The following RIC3 variants were observed in gnomAD, a reference collection of about 807,000 sequenced individuals.
RIC3 encodes the protein RIC3 acetylcholine receptor chaperone.
RIC3 carries 28 observed loss-of-function variants against 27.3 expected under a neutral mutation model. That is an observed-to-expected ratio of 1.02 (90% confidence interval 0.76 to 1.41). The LOEUF (loss-of-function observed/expected upper bound fraction) is 1.41. RIC3 is among the 40% of genes most tolerant of loss of function. RIC3 has a pLI of 0.00. For synonymous variants in RIC3, 184 were observed against 160.4 expected (o/e 1.15, Z -1.11); for missense variants, 501 against 444.7 (o/e 1.13, Z -1.14).
chr11:8,126,633 CAAAAAAA>C lies in RIC3; in HGVS notation c.670+19_670+25del. Reference sequence around the variant, plus strand: ...ATCTCTTTTCTGGGCTGACAGCTAACAAAAAAATGAGAAGACACTGTTTACCTTCCCA... The same window carrying C: ...ATCTCTTTTCTGGGCTGACAGCTAACTGAGAAGACACTGTTTACCTTCCCA... On this transcript the variant is annotated intron_variant, in intron 5 of 5. Transcript: ENST00000309737. The C allele has an allele frequency of 6.2e-7, 1 of 1,610,552 alleles. No individual in the cohort carries two copies. Among genetic ancestry groups the C allele is most frequent in the South Asian group, 1.1e-5 (1 of 90,496 alleles).
At chr11:8,142,475 A>G (rs1178426402) in intron 1 of RIC3, among the ~76,000 whole-genome samples, 1 of 150,706 alleles carries the variant, frequency 6.6e-6, no homozygotes, top group Non-Finnish European at 1.5e-5. Context: ...AGACTAAACC[A>G]GGAAGAAGTT....
intron 1 of RIC3, among the ~76,000 whole-genome samples, chr11:8,160,519 C>T (rs1951072530): frequency 6.6e-6 from 1 of 152,144 alleles, no homozygotes; most frequent in Admixed American, 6.5e-5. Context: ...AGGAAAACTA[C>T]AAATTCCTAC....
intron 2 of RIC3, chr11:8,139,376 C>G (rs3812761): frequency 0.068 from 10,425 of 153,730 alleles, 392 homozygotes; most frequent in South Asian, 0.1. Flanking sequence ...AACTGGGGGT[C>G]TGCTTTAAAG....
In RIC3 at chr11:8,138,341, T is replaced by C. The variant is rs766044903; in HGVS notation, c.358A>G (p.Lys120Glu). The change falls in exon 3 of 6, where the codon AAG becomes GAG. Residue 120 changes from lysine to glutamate, a missense_variant. Lys to Glu is a moderately conservative substitution (Grantham distance 56). Coordinates refer to ENST00000309737, the MANE Select transcript of RIC3 (RefSeq NM_001206671.4). ...YILYILFKLS[K>E]GKTTAEDGKC... ...CCATCCTCTGCAGTTGTTTTCCCCT[T>C]TGAGAGCTGAGAATTGAAGGAGGTA... 2 of 1,611,304 alleles carry C rather than the reference T, an allele frequency of 1.2e-6. No homozygotes were observed. Among genetic ancestry groups the C allele is most frequent in the African/African-American group, 1.3e-5 (1 of 74,770 alleles).
intron 1 of RIC3, among the ~76,000 whole-genome samples, chr11:8,152,894 G>C: frequency 6.6e-6 from 1 of 152,146 alleles, no homozygotes; most frequent in Admixed American, 6.5e-5. Flanking sequence ...CCTCTACACA[G>C]CTCTGACTGA....
chr11:8,145,118 C>A (rs1463261978), intron 1 of RIC3, among the ~76,000 whole-genome samples: 2 of 140,194 alleles, frequency 1.4e-5, no homozygotes, highest in East Asian at 2.1e-4. Flanking sequence ...CAGCATGGCA[C>A]ATGTATACAT....
chr11:8,141,664 T>C (rs924026367), intron 1 of RIC3, among the ~76,000 whole-genome samples: 1 of 152,010 alleles, frequency 6.6e-6, no homozygotes, highest in Non-Finnish European at 1.5e-5. Context: ...AACTCAGCTC[T>C]GCACCAAGTG....
chr11:8,155,638 A>G (rs994100888), intron 1 of RIC3, among the ~76,000 whole-genome samples: 1 of 152,236 alleles, frequency 6.6e-6, no homozygotes, highest in African/African-American at 2.4e-5. Context: ...TAATAACCAT[A>G]CCTATTGCTA....
Position 8,163,913 on chromosome 11 carries a change from A to C in RIC3, c.124+4953T>G, listed in dbSNP as rs182043708. 1.6e-3 allele frequency among the ~76,000 whole-genome samples: 244 copies of C among 152,266 alleles called. 1 individual carries two copies. The Middle Eastern group carries it at 0.027, about 17-fold the overall frequency. The stretch of plus-strand genomic sequence containing the variant: ...AATAGCAAAACAATCTTGAAAAAGA[A>C]GAACAAAGTTTGAGGACACATTTCA... On this transcript the variant is annotated intron_variant, in intron 1 of 5. Transcript: ENST00000309737.
At chr11:8,100,049 G>GAGC in the RIC3 span, among the ~76,000 whole-genome samples, 1 of 152,212 alleles carries the variant, frequency 6.6e-6, no homozygotes, top group African/African-American at 2.4e-5. Flanking sequence ...CTGCTGTGTT[G>GAGC]AGAACAGATG....
In RIC3 at chr11:8,109,790, A is replaced by G. The variant is rs1178827125; in HGVS notation, c.*908T>C. 6.6e-6 allele frequency: 1 copy of G among 152,148 alleles called. No individual in the cohort carries two copies. Among genetic ancestry groups the G allele is most frequent in the Non-Finnish European group, 1.5e-5 (1 of 68,054 alleles). The allele number at this position is 152,148 out of a possible 1,614,324, so 9.4% of individuals were successfully genotyped here. On this transcript the variant is annotated 3_prime_UTR_variant, in exon 6 of 6. Transcript: ENST00000309737. ...GGCCTTCTGAGCTCCTCATGGCAGG[A>G]GCAGAATTCACAATCTTGAGCCCTC...
At chr11:8,119,224 C>G (rs1009189734) in intron 5 of RIC3, among the ~76,000 whole-genome samples, 1 of 152,182 alleles carries the variant, frequency 6.6e-6, no homozygotes, top group African/African-American at 2.4e-5. Flanking sequence ...CACGCTCAGA[C>G]ACATGCAGAT....
chr11:8,132,432 G>A (rs11041758), intron 4 of RIC3, among the ~76,000 whole-genome samples: 5 of 152,080 alleles, frequency 3.3e-5, no homozygotes, highest in South Asian at 2.1e-4. Context: ...GACCAAAATC[G>A]TAAGGACAGA....
intron 1 of RIC3, among the ~76,000 whole-genome samples, chr11:8,154,776 A>G (rs1336908928): frequency 6.6e-6 from 1 of 152,196 alleles, no homozygotes; most frequent in African/African-American, 2.4e-5. Context: ...CTTTATTAAA[A>G]ACAGCTAAAG....
chr11:8,153,352 T>G, intron 1 of RIC3: 1 of 430,782 alleles, frequency 2.3e-6, no homozygotes, highest in Non-Finnish European at 4.6e-6. Context: ...GGGAGCATAG[T>G]TACAATGACA....
chr11:8,148,949 G>C (rs989792158), intron 1 of RIC3, among the ~76,000 whole-genome samples: 4 of 151,456 alleles, frequency 2.6e-5, no homozygotes, highest in Non-Finnish European at 5.9e-5. Context: ...GGGAGGCTTA[G>C]GCGGGCAGAT....
chr11:8,141,731 T>C (rs890724448), intron 1 of RIC3, among the ~76,000 whole-genome samples: 4 of 152,160 alleles, frequency 2.6e-5, no homozygotes, highest in African/African-American at 9.7e-5. Flanking sequence ...ATACATTTTT[T>C]TCAGCACCAC....
intron 1 of RIC3, among the ~76,000 whole-genome samples, chr11:8,159,467 G>T (rs1448409599): frequency 6.6e-6 from 1 of 152,142 alleles, no homozygotes; most frequent in African/African-American, 2.4e-5. Flanking sequence ...AGAGATGTGA[G>T]TTGACTTAAG....
At chr11:8,148,344 TAA>T (rs1949922148) in intron 1 of RIC3, among the ~76,000 whole-genome samples, 1 of 152,168 alleles carries the variant, frequency 6.6e-6, no homozygotes, top group South Asian at 2.1e-4. Context: ...CTTAGTAAAT[TAA>T]ATGATGAGTA....
Sources: allele counts gnomAD v4.1 joint callset (sites outside exome capture counted in the v4.1 genomes callset), GRCh38; gene constraint gnomAD v4.1.1; transcripts MANE v1.5; gene names NCBI Gene and HGNC (gene_info 2026-07-23, HGNC 2026-07-21).